Variants in PTPRD observed in about 807,000 individuals in gnomAD.
PTPRD encodes protein tyrosine phosphatase receptor type D, also known as receptor-type tyrosine-protein phosphatase delta.
Under a neutral mutation model 214.5 loss-of-function variants are expected in PTPRD, and 34 were observed. The ratio of observed to expected loss-of-function variants is 0.16; its 90% confidence interval spans 0.12 to 0.21. PTPRD has a LOEUF of 0.21. PTPRD is among the 10% of genes least tolerant of loss of function. The pLI is 1.00. For missense variants in PTPRD, 2,545 were observed against 2,398.7 expected, an observed-to-expected ratio of 1.06 and a Z score of -1.27; for synonymous variants, 1,128 against 845.7, an observed-to-expected ratio of 1.33 and a Z score of -5.79.
chr9:9,163,020 C>T (rs920679484), intron 10 of PTPRD, among the ~76,000 whole-genome samples: 8 of 152,238 alleles, frequency 5.3e-5, no homozygotes, highest in Admixed American at 1.3e-4. Context: ...TCCTTCCGCA[C>T]CAGCTTCTCT....
intron 2 of PTPRD, among the ~76,000 whole-genome samples, chr9:10,439,638 G>C (rs1193033264): frequency 6.6e-6 from 1 of 151,538 alleles, no homozygotes. Flanking sequence ...ACTATAAAGT[G>C]AGTTTTAAAA....
intron 2 of PTPRD, among the ~76,000 whole-genome samples, chr9:10,590,491 A>G (rs941494733): frequency 1.3e-5 from 2 of 151,976 alleles, no homozygotes; most frequent in African/African-American, 2.4e-5. Flanking sequence ...CCTCTGCCAG[A>G]CAACTACTGA....
intron 8 of PTPRD, among the ~76,000 whole-genome samples, chr9:9,502,109 A>G (rs946459176): frequency 1.3e-5 from 2 of 151,870 alleles, no homozygotes; most frequent in Non-Finnish European, 2.9e-5. Context: ...GCTCTCATTT[A>G]TCATCATTTT....
intron 3 of PTPRD, among the ~76,000 whole-genome samples, chr9:10,108,445 T>G (rs556101599): frequency 9.6e-4 from 145 of 151,430 alleles, no homozygotes; most frequent in Non-Finnish European, 1.3e-3. Context: ...AATTTTGTAT[T>G]TTTTTTTACC....
intron 10 of PTPRD, among the ~76,000 whole-genome samples, chr9:9,075,010 T>C (rs1208828540): frequency 3.3e-5 from 5 of 152,032 alleles, no homozygotes; most frequent in Admixed American, 3.3e-4. Context: ...TAATGTTTAT[T>C]GCAACTTTAA....
intron 11 of PTPRD, among the ~76,000 whole-genome samples, chr9:8,794,742 G>T (rs1328206026): frequency 6.6e-6 from 1 of 151,922 alleles, no homozygotes; most frequent in East Asian, 1.9e-4. Context: ...TCACTGACTT[G>T]CCTCAGAGGA....
chr9:9,077,802 G>A (rs1569531338), intron 10 of PTPRD, among the ~76,000 whole-genome samples: 2 of 152,004 alleles, frequency 1.3e-5, no homozygotes, highest in Admixed American at 6.6e-5. Context: ...TTGGAAATGT[G>A]AAAGGGAATG....
intron 6 of PTPRD, among the ~76,000 whole-genome samples, chr9:9,741,072 C>G (rs947461270): frequency 1.3e-5 from 2 of 151,976 alleles, no homozygotes; most frequent in African/African-American, 2.4e-5. Flanking sequence ...TTTGGGCAAC[C>G]GGGTGATGAT....
intron 9 of PTPRD, among the ~76,000 whole-genome samples, chr9:9,213,517 T>TTTGC (rs2099950167): frequency 1.4e-5 from 1 of 71,362 alleles, no homozygotes; most frequent in African/African-American, 3.4e-5. Flanking sequence ...TTCCTGGTTT[T>TTTGC]TTGTTTGTTT....
intron 8 of PTPRD, among the ~76,000 whole-genome samples, chr9:9,433,430 G>A (rs1038282322): frequency 1.3e-5 from 2 of 152,040 alleles, no homozygotes; most frequent in East Asian, 1.9e-4. Flanking sequence ...TTATTAAGAA[G>A]GCTTATACAT....
intron 9 of PTPRD, among the ~76,000 whole-genome samples, chr9:9,221,903 T>C (rs1360581699): frequency 6.6e-6 from 1 of 152,152 alleles, no homozygotes; most frequent in Non-Finnish European, 1.5e-5. Context: ...ATTAGAAATA[T>C]AGACTCTGAA....
intron 5 of PTPRD, among the ~76,000 whole-genome samples, chr9:9,926,373 G>T (rs747412873): frequency 6.6e-6 from 1 of 152,088 alleles, no homozygotes; most frequent in Non-Finnish European, 1.5e-5. Flanking sequence ...ATTTTTAGTT[G>T]TATTTGCCCA....
In PTPRD at chr9:10,373,990, C is replaced by G. The variant is rs567729076; in HGVS notation, c.-599-32973G>C. On this transcript the variant is annotated intron_variant, in intron 2 of 45. Transcript: ENST00000381196. ...CCTGGTTGGTGTTTGGTCAGATCATCCCCCGAAATATCTGTTTATATCAAC... is the reference window on the plus strand; with the variant it reads ...CCTGGTTGGTGTTTGGTCAGATCATGCCCCGAAATATCTGTTTATATCAAC... Among the ~76,000 whole-genome samples, 3 of 152,130 alleles carry G rather than the reference C, an allele frequency of 2.0e-5. No individual in the cohort carries two copies. In the East Asian group the frequency reaches 5.8e-4, roughly 30 times the overall value.
intron 3 of PTPRD, among the ~76,000 whole-genome samples, chr9:10,319,424 G>A (rs1029683674): frequency 1.1e-4 from 17 of 152,122 alleles, no homozygotes; most frequent in African/African-American, 3.9e-4. Context: ...TCTACTATAT[G>A]GATGACAGCT....
chr9:9,112,417 T>G (rs1011475098), intron 10 of PTPRD, among the ~76,000 whole-genome samples: 4 of 152,138 alleles, frequency 2.6e-5, no homozygotes, highest in African/African-American at 7.2e-5. Context: ...CTCGCTGCTT[T>G]TTTTCCTGCA....
At chr9:9,723,965 T>C (rs931625763) in intron 7 of PTPRD, among the ~76,000 whole-genome samples, 2 of 152,102 alleles carry the variant, frequency 1.3e-5, no homozygotes, top group African/African-American at 4.8e-5. Context: ...AGAGATTCTT[T>C]CCAATGTGGA....
intron 10 of PTPRD, among the ~76,000 whole-genome samples, chr9:9,146,201 AT>A (rs2099868328): frequency 6.6e-6 from 1 of 152,158 alleles, no homozygotes. Context: ...TAGATTGTTT[AT>A]TCGTTAGTAC....
intron 7 of PTPRD, among the ~76,000 whole-genome samples, chr9:9,684,421 T>C (rs74796750): frequency 7.4e-4 from 112 of 151,734 alleles, no homozygotes; most frequent in African/African-American, 2.5e-3. Flanking sequence ...CCAGATTAGT[T>C]CGACTCTAAA....
At chr9:8,604,226 T>G (rs2095060513) in intron 14 of PTPRD, among the ~76,000 whole-genome samples, 1 of 152,072 alleles carries the variant, frequency 6.6e-6, no homozygotes, top group Non-Finnish European at 1.5e-5. Flanking sequence ...ACACAATGCT[T>G]TAAGGTATAG....
Sources: gnomAD v4.1 joint callset for allele counts (sites outside exome capture counted in the v4.1 genomes callset) on GRCh38, gnomAD v4.1.1 for gene constraint, MANE v1.5 for transcripts, NCBI Gene and HGNC (gene_info 2026-07-23, HGNC 2026-07-21) for gene names.